The following DMD variants were observed in gnomAD, a reference collection of about 807,000 sequenced individuals.
DMD encodes mutant dystrophin.
In DMD, 63 loss-of-function variants were observed where a neutral mutation model predicts 330.1. The ratio of observed to expected loss-of-function variants is 0.19; its 90% CI spans 0.16 to 0.24. The LOEUF (loss-of-function observed/expected upper bound fraction) is 0.24, where lower values mean the gene tolerates loss of function less well. Among genes scored for constraint, DMD ranks in the 10% least tolerant of loss-of-function variants. The probability of loss-of-function intolerance (pLI) is 1.00; values close to 1 mark genes in which losing one functional copy is unlikely to be tolerated. For missense variants in DMD, 3,344 were observed against 2,684.1 expected, an observed-to-expected ratio of 1.25 and a Z score of -5.43; for synonymous variants, 1,223 against 959.8, an observed-to-expected ratio of 1.27 and a Z score of -5.07.
chrX:32,459,427 G>A (rs1230279089), intron 25 of DMD, among the ~76,000 whole-genome samples: 1 of 111,083 alleles, frequency 9.0e-6, no homozygotes, highest in Non-Finnish European at 1.9e-5. Flanking sequence ...ATGGGAGCAT[G>A]GGGAAATCTT....
At chrX:33,010,272 A>G (rs1003036923) in intron 2 of DMD, among the ~76,000 whole-genome samples, 11 of 108,478 alleles carry the variant, frequency 1.0e-4, no homozygotes, top group African/African-American at 2.4e-4. Context: ...ATATGTGTGT[A>G]TATGTACATA....
intron 13 of DMD, among the ~76,000 whole-genome samples, chrX:32,575,500 G>A (rs898493711): frequency 7.1e-5 from 8 of 112,117 alleles, no homozygotes; most frequent in African/African-American, 2.3e-4. Flanking sequence ...ACAGTGATGC[G>A]AGATACCCAC....
intron 41 of DMD, among the ~76,000 whole-genome samples, chrX:32,330,038 G>T (rs2097671533): frequency 8.9e-6 from 1 of 112,188 alleles, no homozygotes; most frequent in Non-Finnish European, 1.9e-5. Context: ...ATAGCATATG[G>T]TGCTAAATTT....
At chrX:32,586,311 G>A (rs937308468) in intron 13 of DMD, among the ~76,000 whole-genome samples, 3 of 108,804 alleles carry the variant, frequency 2.8e-5, no homozygotes, top group Non-Finnish European at 3.8e-5. Flanking sequence ...GAGTGTGACA[G>A]GTGTTAATAT....
At chrX:31,551,796 T>G (rs905008226) in intron 55 of DMD, among the ~76,000 whole-genome samples, 2 of 112,175 alleles carry the variant, frequency 1.8e-5, no homozygotes, top group African/African-American at 6.5e-5. Flanking sequence ...TCTCAGAGCA[T>G]TTTCATAACT....
At chrX:33,041,691 A>C in intron 1 of DMD, 1 of 1,208,904 alleles carries the variant, frequency 8.3e-7, no homozygotes, top group Non-Finnish European at 1.1e-6. Flanking sequence ...AAGCACGTTT[A>C]GTACTGGATT....
chrX:31,689,540 C>T (rs896686849), intron 52 of DMD, among the ~76,000 whole-genome samples: 2 of 111,692 alleles, frequency 1.8e-5, no homozygotes. Flanking sequence ...AATGGCCATA[C>T]TGCCCAAGGA....
At chrX:31,787,194 A>T (rs1451354201) in intron 50 of DMD, among the ~76,000 whole-genome samples, 2 of 110,592 alleles carry the variant, frequency 1.8e-5, no homozygotes, top group East Asian at 2.8e-4. Flanking sequence ...CATTATGGTG[A>T]AACCCTGTCT....
chrX:32,818,020 C>A (rs757070905), intron 5 of DMD, among the ~76,000 whole-genome samples: 14 of 112,031 alleles, frequency 1.2e-4, no homozygotes, highest in African/African-American at 4.5e-4. Context: ...GTCAGTTACT[C>A]AGTGAATACA....
intron 29 of DMD, among the ~76,000 whole-genome samples, chrX:32,432,762 C>T (rs2098243530): frequency 8.9e-6 from 1 of 111,992 alleles, no homozygotes; most frequent in Non-Finnish European, 1.9e-5. Flanking sequence ...CACTTATTTT[C>T]CTAGATTACT....
chrX:31,381,954 C>T (rs372294294), intron 60 of DMD, among the ~76,000 whole-genome samples: 2 of 111,587 alleles, frequency 1.8e-5, no homozygotes, highest in South Asian at 3.8e-4. Context: ...AAACATGCCC[C>T]GAGTCAAGAA....
chrX:31,155,444 T>G (rs12008052), intron 74 of DMD, among the ~76,000 whole-genome samples: 6 of 112,279 alleles, frequency 5.3e-5, no homozygotes, highest in African/African-American at 1.3e-4. Context: ...TTTTGTAAAG[T>G]AGAACAACTA....
At chrX:32,449,668 G>T (rs1219253987) in intron 26 of DMD, among the ~76,000 whole-genome samples, 1 of 106,457 alleles carries the variant, frequency 9.4e-6, no homozygotes, top group African/African-American at 3.4e-5. Context: ...AACCCAACTT[G>T]TTCAGCTACA....
chrX:32,595,210 G>A (rs5928034), intron 13 of DMD, among the ~76,000 whole-genome samples: 9,163 of 111,033 alleles, frequency 0.083, 310 homozygotes, highest in Middle Eastern at 0.1. Flanking sequence ...TTGGGCCAAA[G>A]AAATAAAGGC....
chrX:32,243,074 GCAGA>G lies in DMD; in HGVS notation c.6291-26015_6291-26012del, dbSNP rs2097215618. On this transcript the variant is annotated intron_variant, in intron 43 of 78. Coordinates refer to ENST00000357033, the MANE Select transcript of DMD (RefSeq NM_004006.3). ...AAAAACCAAGCAAGCAGGCAGACAG[GCAGA>G]CAGGCAGGCAAGCAAGCTAGTTAAG... Among the ~76,000 whole-genome samples the G allele has an allele frequency of 2.8e-5, 3 of 108,578 alleles. No homozygotes were observed. In the South Asian group the frequency reaches 1.2e-3, roughly 44 times the overall value. 94.3% of individuals were successfully genotyped at this position (108,578 alleles called of 115,157 possible).
intron 55 of DMD, among the ~76,000 whole-genome samples, chrX:31,543,479 A>G (rs956125891): frequency 8.9e-6 from 1 of 112,060 alleles, no homozygotes; most frequent in South Asian, 3.7e-4. Context: ...CCTGGCCTGT[A>G]TTCTTGAATA....
intron 60 of DMD, among the ~76,000 whole-genome samples, chrX:31,397,754 G>C (rs1450108294): frequency 8.9e-6 from 1 of 112,213 alleles, no homozygotes; most frequent in Non-Finnish European, 1.9e-5. Context: ...TGGTGTGGGG[G>C]TATGGCAAGG....
intron 49 of DMD, among the ~76,000 whole-genome samples, chrX:31,822,870 C>A (rs1417945107): frequency 1.8e-5 from 2 of 109,975 alleles, no homozygotes; most frequent in Non-Finnish European, 3.8e-5. Flanking sequence ...CTCCTTTTTC[C>A]TTTTTACCTT....
chrX:33,218,075 T>C (rs1246641917), intron 1 of DMD, among the ~76,000 whole-genome samples: 1 of 111,424 alleles, frequency 9.0e-6, no homozygotes, highest in Non-Finnish European at 1.9e-5. Context: ...AAGATTTCTG[T>C]AGTTATTCTT....
Sources: allele counts gnomAD v4.1 joint callset (sites outside exome capture counted in the v4.1 genomes callset), GRCh38; gene constraint gnomAD v4.1.1; transcripts MANE v1.5; gene names NCBI Gene and HGNC (gene_info 2026-07-23, HGNC 2026-07-21).